The following DLG1 variants were observed in gnomAD, a reference collection of about 807,000 sequenced individuals.
DLG1 encodes the protein disks large homolog 1.
In DLG1, 42 loss-of-function variants were observed where a neutral mutation model predicts 123.4. That is an observed-to-expected ratio of 0.34 (90% CI 0.27 to 0.44). DLG1 has a LOEUF of 0.44. Among genes scored for constraint, DLG1 ranks in the 20% least tolerant of loss-of-function variants. The pLI, the probability that DLG1 is intolerant of heterozygous loss-of-function variation, is 1.00. For synonymous variants in DLG1, 317 were observed against 356.2 expected (o/e 0.89, Z 1.24); for missense variants, 942 against 1,082.6 (o/e 0.87, Z 1.82).
intron 16 of DLG1, among the ~76,000 whole-genome samples, chr3:197,085,028 C>T (rs1162703453): frequency 6.6e-6 from 1 of 151,456 alleles, no homozygotes; most frequent in Non-Finnish European, 1.5e-5. Context: ...CTCAAGTGAT[C>T]CACCCGCCTC....
chr3:197,247,493 G>C (rs1416942344), intron 4 of DLG1, among the ~76,000 whole-genome samples: 1 of 152,066 alleles, frequency 6.6e-6, no homozygotes, highest in African/African-American at 2.4e-5. Flanking sequence ...AAGGAGGACA[G>C]GTCCCTGCTG....
At position 197,101,887 on chromosome 3, in the gene DLG1, G is replaced by A. The variant is rs548716972; in HGVS notation, c.1546+3016C>T. ...GCAATCCTGCCTTGGCTGGGACTAC[G>A]GGTGCGCACTACCACGCATGGCTAA... is the stretch of plus-strand genomic sequence containing the variant. On this transcript the variant is annotated intron_variant, in intron 14 of 24. Coordinates refer to ENST00000667157, the MANE Select transcript of DLG1 (RefSeq NM_001366207.1). Among the ~76,000 whole-genome samples, 45 of 152,100 alleles carry A rather than the reference G, an allele frequency of 3.0e-4. No individual in the cohort carries two copies. In the East Asian group the frequency reaches 6.6e-3, roughly 22 times the overall value.
intron 4 of DLG1, among the ~76,000 whole-genome samples, chr3:197,206,006 C>G (rs1004577186): frequency 6.6e-6 from 1 of 152,206 alleles, no homozygotes; most frequent in African/African-American, 2.4e-5. Flanking sequence ...TTAGGATAAT[C>G]TCCCTATCTT....
Position 197,085,742 on chromosome 3 carries a change from T to C in DLG1, c.1676A>G (p.Tyr559Cys). 1 of 1,611,884 alleles carries C rather than the reference T, an allele frequency of 6.2e-7. No individual in the cohort carries two copies. Among genetic ancestry groups the C allele is most frequent in the East Asian group, 2.2e-5 (1 of 44,846 alleles). Residue 559 changes from tyrosine (Y) to cysteine (C), a missense_variant, in exon 16 of 25, where the codon TAT (tyrosine) becomes TGT (cysteine). By Grantham distance (194) the Tyr-to-Cys change is radical. Coordinates refer to ENST00000667157, the MANE Select transcript of DLG1 (RefSeq NM_001366207.1). ...RSLYVRALFDYDKTKDSGLPS... is the reference protein window; with the variant it reads ...RSLYVRALFDCDKTKDSGLPS... ...AAGCCCACTGTCTTTAGTCTTGTCA[T>C]AATCAAAAAGGGCTCTAGAGTCAGA... is the stretch of plus-strand genomic sequence containing the variant.
intron 5 of DLG1, among the ~76,000 whole-genome samples, chr3:197,158,872 C>T (rs898991055): frequency 2.0e-5 from 3 of 152,092 alleles, no homozygotes; most frequent in African/African-American, 7.2e-5. Context: ...TTCAACAATA[C>T]TTTAATTACA....
At chr3:197,088,058 A>G (rs544925124) in intron 15 of DLG1, among the ~76,000 whole-genome samples, 96 of 152,316 alleles carry the variant, frequency 6.3e-4, no homozygotes, top group Non-Finnish European at 1.2e-3. Flanking sequence ...CTCTAAGGAT[A>G]TTTAATTATA....
At chr3:197,297,075 G>A in intron 2 of DLG1, 111 bp downstream of exon 2, 2 of 1,155,752 alleles carry the variant, frequency 1.7e-6, no homozygotes, top group Non-Finnish European at 2.6e-6. Flanking sequence ...ATAAAGCTAG[G>A]ACCGTGCTGT....
At chr3:197,292,767 A>G (rs889280364) in intron 3 of DLG1, among the ~76,000 whole-genome samples, 3 of 152,246 alleles carry the variant, frequency 2.0e-5, no homozygotes, top group African/African-American at 7.2e-5. Flanking sequence ...CTCTGCAGAA[A>G]TAAAACACTG....
chr3:197,122,456 A>G (rs777248261), intron 11 of DLG1, among the ~76,000 whole-genome samples: 45 of 152,110 alleles, frequency 3.0e-4, no homozygotes, highest in Non-Finnish European at 5.9e-4. Flanking sequence ...TTACCAATGC[A>G]TCAGACAAGA....
chr3:197,096,887 T>C (rs1760925293), intron 14 of DLG1, among the ~76,000 whole-genome samples: 1 of 152,252 alleles, frequency 6.6e-6, no homozygotes, highest in African/African-American at 2.4e-5. Context: ...TGGATTTGAC[T>C]GTGATCTTTT....
intron 4 of DLG1, among the ~76,000 whole-genome samples, chr3:197,240,971 C>T (rs1478484020): frequency 6.6e-6 from 1 of 152,004 alleles, no homozygotes; most frequent in Non-Finnish European, 1.5e-5. Context: ...TGAGCAAAAG[C>T]ATGAGGTAGA....
chr3:197,081,107 T>C lies in DLG1; in HGVS notation c.1849A>G (p.Lys617Glu). ...ACTGTTTTTAATCGGGCTCGTTCTT[T>C]CTTCTCAACTCTGTCAAAGTATAGA... ...VIPSKRRVEKKERARLKTVKF... is the reference protein window; with the variant it reads ...VIPSKRRVEKEERARLKTVKF... The change falls in exon 17 of 25, where the codon AAA becomes GAA. Residue 617 changes from lysine to glutamate, a missense_variant. Physicochemically the swap from Lys to Glu is moderately conservative, Grantham distance 56. Coordinates refer to ENST00000667157, the MANE Select transcript of DLG1 (RefSeq NM_001366207.1). 6.2e-7 allele frequency: 1 copy of C among 1,612,900 alleles called. No individual in the cohort carries two copies. Among genetic ancestry groups the C allele is most frequent in the Non-Finnish European group, 8.5e-7 (1 of 1,179,366 alleles).
intron 16 of DLG1, among the ~76,000 whole-genome samples, chr3:197,082,284 C>G (rs182253338): frequency 6.6e-6 from 1 of 151,966 alleles, no homozygotes; most frequent in East Asian, 1.9e-4. Flanking sequence ...GCAGGAGAAT[C>G]GCTTGAATCC....
chr3:197,149,697 C>A, intron 6 of DLG1, 46 bp downstream of exon 6: 1 of 1,245,562 alleles, frequency 8.0e-7, no homozygotes, highest in Non-Finnish European at 1.2e-6. Context: ...AAAAACGGAA[C>A]AGGAAAGGCA....
chr3:197,238,234 C>T (rs1056738694), intron 4 of DLG1, among the ~76,000 whole-genome samples: 1 of 152,072 alleles, frequency 6.6e-6, no homozygotes, highest in African/African-American at 2.4e-5. Context: ...CAAAAAATGT[C>T]GAAGTTTCCC....
chr3:197,122,342 G>A (rs1280399834), intron 11 of DLG1, among the ~76,000 whole-genome samples: 1 of 152,058 alleles, frequency 6.6e-6, no homozygotes, highest in Admixed American at 6.5e-5. Flanking sequence ...CAGAAGACCT[G>A]CTGGTAACAC....
intron 4 of DLG1, among the ~76,000 whole-genome samples, chr3:197,223,486 A>C (rs1296771071): frequency 1.3e-5 from 2 of 152,214 alleles, no homozygotes; most frequent in African/African-American, 4.8e-5. Flanking sequence ...TTTCCAACAA[A>C]CAAGGTGGTG....
chr3:197,163,103 G>A (rs1029389728), intron 5 of DLG1, among the ~76,000 whole-genome samples: 1 of 152,172 alleles, frequency 6.6e-6, no homozygotes, highest in Non-Finnish European at 1.5e-5. Context: ...AAAGATGCTC[G>A]ACATCATTAG....
intron 4 of DLG1, among the ~76,000 whole-genome samples, chr3:197,230,190 A>C (rs1742192559): frequency 6.6e-6 from 1 of 152,224 alleles, no homozygotes; most frequent in South Asian, 2.1e-4. Flanking sequence ...AGGGAAAAAA[A>C]GATGCTGAGA....
Sources: gnomAD v4.1 joint callset for allele counts (sites outside exome capture counted in the v4.1 genomes callset) on GRCh38, gnomAD v4.1.1 for gene constraint, MANE v1.5 for transcripts, NCBI Gene and HGNC (gene_info 2026-07-23, HGNC 2026-07-21) for gene names.